ZFAND3: variants seen among roughly 807,000 people sequenced by gnomAD.
ZFAND3 encodes the protein zinc finger AN1-type containing 3, also known as AN1-type zinc finger protein 3.
In ZFAND3, 10 loss-of-function variants were observed where a neutral mutation model predicts 29.6. The ratio of observed to expected loss-of-function variants is 0.34; its 90% CI spans 0.21 to 0.57. The LOEUF is 0.57. Ranked by LOEUF, ZFAND3 falls within the 20% of genes least tolerant of loss-of-function variation. ZFAND3 has a pLI of 0.86. For missense variants in ZFAND3, 230 were observed against 304.5 expected, an observed-to-expected ratio of 0.76 and a Z score of 1.82; for synonymous variants, 128 against 112.6, an observed-to-expected ratio of 1.14 and a Z score of -0.87.
intron 1 of ZFAND3, among the ~76,000 whole-genome samples, chr6:37,875,417 A>G (rs1178910155): frequency 1.3e-5 from 2 of 152,186 alleles, no homozygotes; most frequent in African/African-American, 4.8e-5. Flanking sequence ...CCAATAATGC[A>G]TTAGTTGTTG....
chr6:38,047,351 A>G (rs927270546), intron 2 of ZFAND3, among the ~76,000 whole-genome samples: 1 of 151,836 alleles, frequency 6.6e-6, no homozygotes, highest in Admixed American at 6.6e-5. Flanking sequence ...TACTTCTTTC[A>G]AACCCAATCT....
At chr6:37,923,083 A>G (rs1226710912) in intron 1 of ZFAND3, among the ~76,000 whole-genome samples, 1 of 152,224 alleles carries the variant, frequency 6.6e-6, no homozygotes, top group East Asian at 1.9e-4. Context: ...GTATAGTTAC[A>G]CAGAAATATT....
intron 1 of ZFAND3, among the ~76,000 whole-genome samples, chr6:37,922,329 G>A (rs1276790892): frequency 1.3e-5 from 2 of 152,096 alleles, no homozygotes; most frequent in Non-Finnish European, 2.9e-5. Flanking sequence ...ACATCCAACA[G>A]TAGTAAGAGT....
intron 1 of ZFAND3, among the ~76,000 whole-genome samples, chr6:37,880,933 G>A (rs1225426010): frequency 1.3e-5 from 2 of 150,966 alleles, no homozygotes; most frequent in South Asian, 4.2e-4. Flanking sequence ...GGTGGGTGCA[G>A]CGCACCAGCA....
At chr6:37,848,773 A>C (rs1324497840) in intron 1 of ZFAND3, among the ~76,000 whole-genome samples, 1 of 152,094 alleles carries the variant, frequency 6.6e-6, no homozygotes, top group African/African-American at 2.4e-5. Context: ...TTGCGTCTTT[A>C]TGTTTTTTTC....
Position 37,819,836 on chromosome 6 carries a change from T to TC in ZFAND3, c.-104dup, listed in dbSNP as rs1349834800. On this transcript the variant is annotated 5_prime_UTR_variant, in exon 1 of 6. Coordinates refer to ENST00000287218, the MANE Select transcript of ZFAND3 (RefSeq NM_021943.3). ...CGCCCGCGCGCCCGCTCCTTCCCCC[T>TC]CCCCCCGCCCCGAGCCCCCCGACGC... The TC allele has an allele frequency of 2.2e-5, 6 of 277,660 alleles. 1 individual carries two copies. Among genetic ancestry groups the TC allele is most frequent in the African/African-American group, 5.9e-5 (2 of 33,896 alleles). 17.2% of individuals were successfully genotyped at this position (277,660 alleles called of 1,614,324 possible).
intron 2 of ZFAND3, among the ~76,000 whole-genome samples, chr6:38,017,872 T>G (rs537258601): frequency 6.6e-6 from 1 of 152,344 alleles, no homozygotes; most frequent in African/African-American, 2.4e-5. Flanking sequence ...CGTGTCAGCA[T>G]TCTTGATCTC....
At chr6:37,836,307 T>TC (rs56010937) in intron 1 of ZFAND3, among the ~76,000 whole-genome samples, 106,072 of 151,974 alleles carry the variant, frequency 0.7, 37,573 homozygotes, top group African/African-American at 0.77. Flanking sequence ...AGTGTCACTT[T>TC]CTTTTGAGAC....
At chr6:38,017,933 A>G (rs182502450) in intron 2 of ZFAND3, among the ~76,000 whole-genome samples, 35 of 152,328 alleles carry the variant, frequency 2.3e-4, no homozygotes, top group South Asian at 8.3e-4. Flanking sequence ...TCTCAAAAGT[A>G]TGCCTTTTCC....
chr6:38,072,656 A>C (rs921904362), intron 3 of ZFAND3, among the ~76,000 whole-genome samples: 7 of 152,150 alleles, frequency 4.6e-5, no homozygotes, highest in African/African-American at 1.4e-4. Context: ...TGAAAAAAAA[A>C]CATAATGGCA....
chr6:38,033,728 T>C (rs533278446), intron 2 of ZFAND3, among the ~76,000 whole-genome samples: 2 of 152,326 alleles, frequency 1.3e-5, no homozygotes, highest in Admixed American at 6.5e-5. Context: ...AAACTCCTTC[T>C]ATCTTTTGTT....
rs146246345 is a variant in ZFAND3, at chr6:37,870,948, T to A, written c.71+50932T>A. On this transcript the variant is annotated intron_variant, in intron 1 of 5. Transcript: ENST00000287218. ...TGTTGACCATTTGACTATGATGTGC[T>A]TAAGTGTTTTTCCTTGTATTTTGTC... 6.4e-3 allele frequency among the ~76,000 whole-genome samples: 978 copies of A among 152,368 alleles called. 48 individuals are homozygous for A. The highest frequency in any genetic ancestry group is 0.06 in the Admixed American group (919 of 15,302).
chr6:37,855,336 G>A (rs1193969996), intron 1 of ZFAND3, among the ~76,000 whole-genome samples: 1 of 148,160 alleles, frequency 6.7e-6, no homozygotes, highest in Non-Finnish European at 1.5e-5. Context: ...TTTTTAAGTA[G>A]AGATAGCGTT....
intron 1 of ZFAND3, among the ~76,000 whole-genome samples, chr6:37,915,307 A>G (rs1450554109): frequency 6.6e-6 from 1 of 152,176 alleles, no homozygotes; most frequent in Non-Finnish European, 1.5e-5. Context: ...AACTTTCTGC[A>G]TATTCGTATG....
In ZFAND3 at chr6:37,908,458, C is replaced by G. The variant is rs189984818; in HGVS notation, c.72-21501C>G. Among the ~76,000 whole-genome samples the G allele has an allele frequency of 4.5e-3, 677 of 149,052 alleles. 3 individuals carry two copies. The highest frequency in any genetic ancestry group is 6.1e-3 in the Admixed American group (89 of 14,642). ...CATGCTGGTGCGCTGCACCCACTAA[C>G]GTGTCATCTAGCATTAGGTATATAC... On this transcript the variant is annotated intron_variant, in intron 1 of 5. Coordinates refer to ENST00000287218, the MANE Select transcript of ZFAND3 (RefSeq NM_021943.3).
chr6:37,923,615 G>C (rs773951487), intron 1 of ZFAND3, among the ~76,000 whole-genome samples: 34 of 152,130 alleles, frequency 2.2e-4, no homozygotes, highest in Non-Finnish European at 4.0e-4. Flanking sequence ...TTTTTATCAA[G>C]TATTATGTAC....
At position 38,152,542 on chromosome 6, in the gene ZFAND3, T is replaced by G. The variant is rs906399955; in HGVS notation, c.*153T>G. On this transcript the variant is annotated 3_prime_UTR_variant, in exon 6 of 6. Transcript: ENST00000287218. ...AGCCAGCCATCCTGGTACTGTAGTTTAGGGGTTGATGGTGGTTGAAATTGA... is the reference window on the plus strand; with the variant it reads ...AGCCAGCCATCCTGGTACTGTAGTTGAGGGGTTGATGGTGGTTGAAATTGA... 2 of 1,322,788 alleles carry G rather than the reference T, an allele frequency of 1.5e-6. No individual in the cohort carries two copies. The highest frequency in any genetic ancestry group is 1.5e-5 in the African/African-American group (1 of 66,806). The allele number at this position is 1,322,788 out of a possible 1,614,324, so 81.9% of individuals were successfully genotyped here. A position where few individuals can be genotyped will look rare whatever the true frequency, so the allele number is the denominator to read the frequency against.
intron 1 of ZFAND3, among the ~76,000 whole-genome samples, chr6:37,901,655 A>G (rs532944759): frequency 6.6e-6 from 1 of 152,190 alleles, no homozygotes; most frequent in Non-Finnish European, 1.5e-5. Context: ...TCTTTCTAAT[A>G]TGGAAATGAA....
At chr6:38,039,957 T>C (rs1304165908) in intron 2 of ZFAND3, among the ~76,000 whole-genome samples, 2 of 152,194 alleles carry the variant, frequency 1.3e-5, no homozygotes, top group Non-Finnish European at 2.9e-5. Flanking sequence ...GAAAACAATA[T>C]TATTCTTCCT....
Sources: allele counts gnomAD v4.1 joint callset (sites outside exome capture counted in the v4.1 genomes callset), GRCh38; gene constraint gnomAD v4.1.1; transcripts MANE v1.5; gene names NCBI Gene and HGNC (gene_info 2026-07-23, HGNC 2026-07-21).